The following RGS7 variants were observed in gnomAD, a reference collection of about 807,000 sequenced individuals.
RGS7 encodes regulator of G-protein signaling 7.
RGS7 carries 27 observed loss-of-function variants against 81.1 expected under a neutral mutation model. The ratio of observed to expected loss-of-function variants is 0.33; its 90% confidence interval spans 0.25 to 0.46. The LOEUF is 0.46. Among genes scored for constraint, RGS7 ranks in the 20% least tolerant of loss-of-function variants. The pLI is 1.00. For synonymous variants in RGS7, 208 were observed against 207.7 expected (o/e 1.00, Z -0.01); for missense variants, 396 against 607.4 (o/e 0.65, Z 3.66).
intron 9 of RGS7, among the ~76,000 whole-genome samples, chr1:240,858,839 C>T (rs949575221): frequency 2.6e-5 from 4 of 152,092 alleles, no homozygotes; most frequent in Admixed American, 2.6e-4. Flanking sequence ...GAATAATTCC[C>T]ACTTCACTGT....
intron 2 of RGS7, among the ~76,000 whole-genome samples, chr1:241,316,993 A>G (rs2080917793): frequency 6.6e-6 from 1 of 152,234 alleles, no homozygotes. Flanking sequence ...CAATGTTAAC[A>G]TTTTCTCCAT....
chr1:240,807,835 G>A (rs1158273594), intron 14 of RGS7, among the ~76,000 whole-genome samples: 1 of 152,098 alleles, frequency 6.6e-6, no homozygotes, highest in Non-Finnish European at 1.5e-5. Flanking sequence ...GGGAGTTTGA[G>A]ATCAGCCTGG....
At chr1:241,278,049 C>T (rs1264518709) in intron 2 of RGS7, among the ~76,000 whole-genome samples, 1 of 152,104 alleles carries the variant, frequency 6.6e-6, no homozygotes, top group Non-Finnish European at 1.5e-5. Context: ...TTGTTTTGCC[C>T]GCTGTTCTCA....
chr1:241,202,581 T>A (rs1051331788), intron 2 of RGS7, among the ~76,000 whole-genome samples: 1 of 152,198 alleles, frequency 6.6e-6, no homozygotes, highest in Non-Finnish European at 1.5e-5. Context: ...AATGATCTAA[T>A]GGTAACAGAC....
chr1:240,816,343 G>C lies in RGS7; in HGVS notation c.757C>G (p.Pro253Ala). Residue 253 changes from proline (P) to alanine (A), a missense_variant, in exon 11 of 19, where the codon CCA (proline) becomes GCA (alanine). Pro to Ala is a conservative substitution (Grantham distance 27, BLOSUM62 -1). Transcript: ENST00000440928. ...TGTTGTTGTAACTCATCTTCTGTTG[G>C]AGGTTTAGTTTCTGGTGTGGGTGTG... ...THTPTPETKPPTEDELQQQIK... is the reference protein window; with the variant it reads ...THTPTPETKPATEDELQQQIK... The C allele has an allele frequency of 6.2e-7, 1 of 1,611,884 alleles. No individual in the cohort carries two copies. Among genetic ancestry groups the C allele is most frequent in the Non-Finnish European group, 8.5e-7 (1 of 1,178,100 alleles).
At chr1:241,307,345 G>A (rs181098655) in intron 2 of RGS7, among the ~76,000 whole-genome samples, 1 of 152,210 alleles carries the variant, frequency 6.6e-6, no homozygotes, top group African/African-American at 2.4e-5. Flanking sequence ...GGAGTTCAAT[G>A]TAACCACTGT....
chr1:241,166,000 C>T (rs74150227), intron 2 of RGS7, among the ~76,000 whole-genome samples: 2,468 of 152,176 alleles, frequency 0.016, 84 homozygotes, highest in African/African-American at 0.057. Context: ...GTCTGGGAAC[C>T]AGGCTCAGCA....
intron 2 of RGS7, among the ~76,000 whole-genome samples, chr1:241,297,521 T>A (rs1374758940): frequency 6.6e-6 from 1 of 152,202 alleles, no homozygotes; most frequent in African/African-American, 2.4e-5. Context: ...ATCCTACAAA[T>A]TTCATTTCAG....
intron 6 of RGS7, among the ~76,000 whole-genome samples, chr1:240,929,497 T>C (rs12096197): frequency 0.031 from 4,773 of 152,282 alleles, 235 homozygotes; most frequent in African/African-American, 0.11. Flanking sequence ...TCATGAGTTA[T>C]GTTAGTTTCG....
At chr1:241,151,420 G>A (rs1254715694) in intron 2 of RGS7, among the ~76,000 whole-genome samples, 1 of 152,070 alleles carries the variant, frequency 6.6e-6, no homozygotes, top group Non-Finnish European at 1.5e-5. Context: ...CCAGCAGAAG[G>A]AAAATGAAGG....
At chr1:240,865,249 C>A (rs1005962670) in intron 9 of RGS7, among the ~76,000 whole-genome samples, 2 of 152,198 alleles carry the variant, frequency 1.3e-5, no homozygotes, top group African/African-American at 4.8e-5. Context: ...TCCCACTCTG[C>A]CCCAGGTCTC....
intron 3 of RGS7, among the ~76,000 whole-genome samples, chr1:241,017,591 G>A (rs1183258716): frequency 1.3e-5 from 2 of 151,914 alleles, no homozygotes; most frequent in African/African-American, 4.8e-5. Context: ...AGAATTATAG[G>A]TTGGCAGATT....
chr1:241,289,070 G>A (rs1007887579), intron 2 of RGS7, among the ~76,000 whole-genome samples: 1 of 152,194 alleles, frequency 6.6e-6, no homozygotes, highest in African/African-American at 2.4e-5. Flanking sequence ...GGCTTAAAAT[G>A]CAAAGTAAGT....
intron 4 of RGS7, among the ~76,000 whole-genome samples, chr1:240,972,885 C>G (rs560742978): frequency 5.9e-4 from 85 of 144,164 alleles, no homozygotes; most frequent in African/African-American, 2.0e-3. Flanking sequence ...AATCAACTAA[C>G]TAAATGAATA....
Position 240,775,940 on chromosome 1 carries a change from A to G in RGS7, c.*280T>C. ...GAACTTGTTAAAAAGGAAGAGACAC[A>G]GATCCAGCATAGTAGAAGGAGAAAG... On this transcript the variant is annotated 3_prime_UTR_variant, in exon 19 of 19. Coordinates refer to ENST00000440928, the MANE Select transcript of RGS7 (RefSeq NM_001364886.1). The G allele has an allele frequency of 1.8e-6, 1 of 542,592 alleles. No individual in the cohort carries two copies. Among genetic ancestry groups the G allele is most frequent in the South Asian group, 2.4e-5 (1 of 41,766 alleles). 33.6% of individuals were successfully genotyped at this position (542,592 alleles called of 1,614,324 possible). A position where few individuals can be genotyped will look rare whatever the true frequency, so the allele number is the denominator to read the frequency against.
chr1:241,033,482 T>A (rs1221942578), intron 3 of RGS7, among the ~76,000 whole-genome samples: 25 of 152,100 alleles, frequency 1.6e-4, no homozygotes, highest in Non-Finnish European at 4.4e-5. Flanking sequence ...TATATTAAAA[T>A]TTTTATACAA....
chr1:241,121,369 G>A (rs2066241889), intron 2 of RGS7, among the ~76,000 whole-genome samples: 1 of 152,200 alleles, frequency 6.6e-6, no homozygotes, highest in Non-Finnish European at 1.5e-5. Context: ...ACCTGGGAGA[G>A]ACCTTGAGGT....
In RGS7 at chr1:240,800,649, A is replaced by T; in HGVS notation, c.1486T>A (p.Ter496ArgextTer19). Residue 496 changes from the stop codon to arginine, a stop_lost, in exon 18 of 19, where the codon TGA (stop) becomes AGA (arginine). Transcript: ENST00000440928. ...AACCAAGATTTTTCTACCTCTTTTC[A>T]TAACAGGTTAGTGCTGGCCCTCAGT... ...PTLRASTNLL[*>R] 6.5e-7 allele frequency: 1 copy of T among 1,543,444 alleles called. No individual in the cohort carries two copies. The highest frequency in any genetic ancestry group is 8.8e-7 in the Non-Finnish European group (1 of 1,141,790).
At chr1:240,975,075 G>A (rs937291409) in intron 4 of RGS7, among the ~76,000 whole-genome samples, 2 of 152,024 alleles carry the variant, frequency 1.3e-5, no homozygotes, top group African/African-American at 4.8e-5. Context: ...TGGAGAGAAG[G>A]AAAAAAGATG....
Sources: gnomAD v4.1 joint callset for allele counts (sites outside exome capture counted in the v4.1 genomes callset) on GRCh38, gnomAD v4.1.1 for gene constraint, MANE v1.5 for transcripts, NCBI Gene and HGNC (gene_info 2026-07-23, HGNC 2026-07-21) for gene names.